CSMD1: variants seen among roughly 807,000 people sequenced by gnomAD.
The protein encoded by CSMD1 is CUB and Sushi multiple domains 1.
In CSMD1, 213 loss-of-function variants were observed where a neutral mutation model predicts 417.5. The ratio of observed to expected loss-of-function variants is 0.51; its 90% confidence interval spans 0.46 to 0.57. CSMD1 has a LOEUF of 0.57. Ranked by LOEUF, CSMD1 falls within the 20% of genes least tolerant of loss-of-function variation. The probability of loss-of-function intolerance (pLI) is 0.00; values close to 1 mark genes in which losing one functional copy is unlikely to be tolerated. For missense variants in CSMD1, 6,923 were observed against 4,529.7 expected, an observed-to-expected ratio of 1.53 and a Z score of -15.17; for synonymous variants, 2,862 against 1,736.8, an observed-to-expected ratio of 1.65 and a Z score of -16.11.
intron 46 of CSMD1, among the ~76,000 whole-genome samples, chr8:3,106,253 C>G (rs1168952913): frequency 6.6e-6 from 1 of 150,486 alleles, no homozygotes; most frequent in Non-Finnish European, 1.5e-5. Context: ...AAAAATTAGC[C>G]AGGCATGGTG....
At chr8:4,327,105 G>T (rs1283599011) in intron 3 of CSMD1, among the ~76,000 whole-genome samples, 2 of 152,016 alleles carry the variant, frequency 1.3e-5, no homozygotes, top group Admixed American at 1.3e-4. Flanking sequence ...AACAGGAGAG[G>T]GGAATCCAGC....
chr8:4,980,713 G>C (rs1177636081), intron 1 of CSMD1, among the ~76,000 whole-genome samples: 2 of 152,018 alleles, frequency 1.3e-5, no homozygotes, highest in South Asian at 4.1e-4. Context: ...GACCAGCGTG[G>C]ACAACAGGAC....
At chr8:3,900,261 G>A (rs1807645768) in intron 5 of CSMD1, among the ~76,000 whole-genome samples, 1 of 150,364 alleles carries the variant, frequency 6.7e-6, no homozygotes, top group Non-Finnish European at 1.5e-5. Flanking sequence ...GCAGCTGGGT[G>A]ACAGCACAGC....
intron 33 of CSMD1, among the ~76,000 whole-genome samples, chr8:3,195,128 G>A (rs1038859686): frequency 6.6e-6 from 1 of 152,092 alleles, no homozygotes; most frequent in Non-Finnish European, 1.5e-5. Flanking sequence ...ACAGAAATAG[G>A]CCTTTTATGA....
intron 1 of CSMD1, among the ~76,000 whole-genome samples, chr8:4,732,575 C>T (rs775658861): frequency 6.6e-6 from 1 of 152,130 alleles, no homozygotes; most frequent in Non-Finnish European, 1.5e-5. Flanking sequence ...AGCAACCTGT[C>T]AGAGAAGCAC....
chr8:4,892,934 C>G (rs1804222275), intron 1 of CSMD1, among the ~76,000 whole-genome samples: 1 of 152,154 alleles, frequency 6.6e-6, no homozygotes, highest in East Asian at 1.9e-4. Flanking sequence ...ATTTTATATG[C>G]CACATGGTGC....
chr8:4,591,443 C>A (rs886948622), intron 2 of CSMD1, among the ~76,000 whole-genome samples: 3 of 152,166 alleles, frequency 2.0e-5, no homozygotes, highest in Non-Finnish European at 4.4e-5. Flanking sequence ...ATGAGCAAAG[C>A]TGTTGAGCAA....
At chr8:4,939,716 G>C (rs1281888861) in intron 1 of CSMD1, among the ~76,000 whole-genome samples, 1 of 152,150 alleles carries the variant, frequency 6.6e-6, no homozygotes, top group Non-Finnish European at 1.5e-5. Context: ...ATAATTTCAA[G>C]TGATCTATTG....
chr8:4,109,191 C>T (rs573402427), intron 3 of CSMD1, among the ~76,000 whole-genome samples: 1 of 151,932 alleles, frequency 6.6e-6, no homozygotes, highest in African/African-American at 2.4e-5. Context: ...GGAATAATAG[C>T]CAGAAAAAAA....
At position 3,468,781 on chromosome 8, in the gene CSMD1, T is replaced by A. The variant is rs1004842566; in HGVS notation, c.1492A>T (p.Asn498Tyr). The change falls in exon 12 of 70, where the codon AAC (asparagine) becomes TAC (tyrosine). Residue 498 changes from asparagine (N) to tyrosine (Y), a missense_variant. By Grantham distance (143) the Asn-to-Tyr change is moderately radical (BLOSUM62 -2). Transcript: ENST00000635120. ...SVPDLIVSMS[N>Y]QMWLHLQSDD... is the part of the protein sequence containing the mutation. The stretch of plus-strand genomic sequence containing the variant: ...GACTGCAGATGTAGCCACATCTGGT[T>A]GCTCATGCTCACAATGAGGTCAGGA... The A allele has an allele frequency of 6.2e-7, 1 of 1,605,476 alleles. No homozygotes were observed.
intron 1 of CSMD1, among the ~76,000 whole-genome samples, chr8:4,876,336 A>T (rs1035265668): frequency 4.6e-5 from 7 of 152,078 alleles, no homozygotes; most frequent in African/African-American, 1.5e-4. Flanking sequence ...TTAACTTAAA[A>T]TCTACAGGTA....
intron 5 of CSMD1, among the ~76,000 whole-genome samples, chr8:3,909,061 G>C (rs759496725): frequency 6.6e-6 from 1 of 152,194 alleles, no homozygotes. Context: ...GAGCAGCTGA[G>C]AAGGCCTTTG....
chr8:4,922,584 C>G (rs1373583443), intron 1 of CSMD1, among the ~76,000 whole-genome samples: 2 of 152,060 alleles, frequency 1.3e-5, no homozygotes, highest in Non-Finnish European at 2.9e-5. Context: ...TCTATAAAAG[C>G]TATTGATAGC....
intron 37 of CSMD1, among the ~76,000 whole-genome samples, chr8:3,162,909 G>C (rs1370583708): frequency 1.3e-5 from 2 of 152,016 alleles, no homozygotes; most frequent in Non-Finnish European, 2.9e-5. Context: ...TTTTTTTAAA[G>C]GCATCATATA....
intron 49 of CSMD1, among the ~76,000 whole-genome samples, chr8:3,063,239 C>A (rs1349815410): frequency 6.6e-6 from 1 of 152,054 alleles, no homozygotes; most frequent in Non-Finnish European, 1.5e-5. Flanking sequence ...CTAGTCAAGC[C>A]CAGAAGCACA....
At chr8:2,979,927 C>T (rs1270587271) in intron 54 of CSMD1, among the ~76,000 whole-genome samples, 2 of 152,132 alleles carry the variant, frequency 1.3e-5, no homozygotes, top group African/African-American at 2.4e-5. Flanking sequence ...CAATTGTAAC[C>T]AAATCTCTGA....
At chr8:4,604,185 C>T (rs983586735) in intron 2 of CSMD1, among the ~76,000 whole-genome samples, 1 of 152,030 alleles carries the variant, frequency 6.6e-6, no homozygotes, top group African/African-American at 2.4e-5. Context: ...CTCACATAAT[C>T]GGAAAGTTAG....
At chr8:4,628,027 T>C (rs1042664826) in intron 2 of CSMD1, among the ~76,000 whole-genome samples, 1 of 151,798 alleles carries the variant, frequency 6.6e-6, no homozygotes, top group Non-Finnish European at 1.5e-5. Context: ...CTGCCACTGT[T>C]CCCTGGGACA....
chr8:4,783,562 A>G (rs1797261103), intron 1 of CSMD1, among the ~76,000 whole-genome samples: 1 of 152,204 alleles, frequency 6.6e-6, no homozygotes, highest in Non-Finnish European at 1.5e-5. Context: ...TCTAAGGAAA[A>G]CCTAGCTGTG....
Sources: allele counts gnomAD v4.1 joint callset (sites outside exome capture counted in the v4.1 genomes callset), GRCh38; gene constraint gnomAD v4.1.1; transcripts MANE v1.5; gene names NCBI Gene and HGNC (gene_info 2026-07-23, HGNC 2026-07-21).